The following EPHA6 variants were observed in gnomAD, a reference collection of about 807,000 sequenced individuals.
The protein encoded by EPHA6 is ephrin type-A receptor 6.
In EPHA6, 50 loss-of-function variants were observed where a neutral mutation model predicts 112.0. That is an observed-to-expected ratio of 0.45 (90% CI 0.36 to 0.56). EPHA6 has a LOEUF of 0.56. EPHA6 is among the 20% of genes least tolerant of loss of function. The pLI is 0.00. For synonymous variants in EPHA6, 529 were observed against 490.7 expected, an observed-to-expected ratio of 1.08 and a Z score of -1.03; for missense variants, 1,280 against 1,417.4, an observed-to-expected ratio of 0.90 and a Z score of 1.56.
chr3:97,502,242 C>T (rs138060448), intron 10 of EPHA6, among the ~76,000 whole-genome samples: 2 of 147,624 alleles, frequency 1.4e-5, no homozygotes, highest in Non-Finnish European at 3.0e-5. Context: ...AATCTCGGCT[C>T]ACTGCAACCT....
At chr3:97,422,175 A>G (rs1042636199) in intron 6 of EPHA6, among the ~76,000 whole-genome samples, 4 of 151,170 alleles carry the variant, frequency 2.6e-5, no homozygotes, top group Non-Finnish European at 5.9e-5. Flanking sequence ...CTCTCAAAAA[A>G]CTTTATTTAG....
At chr3:97,151,152 T>C (rs535940060) in intron 3 of EPHA6, among the ~76,000 whole-genome samples, 2 of 152,234 alleles carry the variant, frequency 1.3e-5, no homozygotes, top group South Asian at 4.1e-4. Flanking sequence ...TCTCCAAGCC[T>C]GTACTTTTAT....
At chr3:97,712,295 T>C (rs2034008736) in intron 14 of EPHA6, among the ~76,000 whole-genome samples, 1 of 152,052 alleles carries the variant, frequency 6.6e-6, no homozygotes, top group Admixed American at 6.6e-5. Flanking sequence ...TTTAAAAAAG[T>C]GAGAGAGAGA....
At chr3:96,899,853 T>C (rs2038506301) in intron 2 of EPHA6, among the ~76,000 whole-genome samples, 1 of 152,146 alleles carries the variant, frequency 6.6e-6, no homozygotes, top group Admixed American at 6.5e-5. Context: ...ACTTTTTTTT[T>C]CCAATTTCAG....
At chr3:96,972,250 C>T (rs1031292124) in intron 2 of EPHA6, among the ~76,000 whole-genome samples, 1 of 151,896 alleles carries the variant, frequency 6.6e-6, no homozygotes, top group Admixed American at 6.6e-5. Context: ...AATATTATCT[C>T]CAAGTATTTA....
chr3:97,211,330 T>C (rs2108513849), intron 3 of EPHA6, among the ~76,000 whole-genome samples: 1 of 152,338 alleles, frequency 6.6e-6, no homozygotes, highest in Admixed American at 6.5e-5. Context: ...TTTATACATA[T>C]GACATTTATT....
At chr3:97,383,494 G>A (rs894761133) in intron 5 of EPHA6, among the ~76,000 whole-genome samples, 9 of 152,040 alleles carry the variant, frequency 5.9e-5, no homozygotes, top group African/African-American at 2.2e-4. Context: ...AGTATTTTCA[G>A]TTAATCAAGT....
At position 96,899,902 on chromosome 3, in the gene EPHA6, C is replaced by G. The variant is rs2038510185; in HGVS notation, c.450+33013C>G. On this transcript the variant is annotated intron_variant, in intron 2 of 17. Transcript: ENST00000389672. ...TTCACACTTTAGATGTGACCTCTAACAGCCTTATATAGATCTTGGAAAGTT... is the reference window on the plus strand; with the variant it reads ...TTCACACTTTAGATGTGACCTCTAAGAGCCTTATATAGATCTTGGAAAGTT... 3.9e-5 allele frequency among the ~76,000 whole-genome samples: 6 copies of G among 152,164 alleles called. No individual in the cohort carries two copies. The South Asian group carries it at 1.2e-3, about 32-fold the overall frequency.
At chr3:96,865,247 G>C (rs903549422) in intron 1 of EPHA6, among the ~76,000 whole-genome samples, 1 of 152,006 alleles carries the variant, frequency 6.6e-6, no homozygotes, top group Non-Finnish European at 1.5e-5. Context: ...AGGAATTTAA[G>C]GATACTTTCA....
chr3:97,459,883 C>T (rs2090827465), intron 7 of EPHA6, among the ~76,000 whole-genome samples: 1 of 152,204 alleles, frequency 6.6e-6, no homozygotes, highest in African/African-American at 2.4e-5. Context: ...ATATGTCTCT[C>T]TGACAGTTCA....
At chr3:97,110,797 G>A (rs2047700325) in intron 3 of EPHA6, among the ~76,000 whole-genome samples, 1 of 151,978 alleles carries the variant, frequency 6.6e-6, no homozygotes, top group Admixed American at 6.6e-5. Flanking sequence ...CCAAATTGCT[G>A]GGGTTATAGG....
At chr3:97,697,124 T>C (rs1048367065) in intron 14 of EPHA6, among the ~76,000 whole-genome samples, 1 of 152,158 alleles carries the variant, frequency 6.6e-6, no homozygotes, top group African/African-American at 2.4e-5. Context: ...TTACAGCTCC[T>C]CACTGAATTT....
chr3:97,611,102 ATG>A (rs902210168), intron 13 of EPHA6, among the ~76,000 whole-genome samples: 2 of 151,370 alleles, frequency 1.3e-5, no homozygotes, highest in South Asian at 2.1e-4. Flanking sequence ...GTGTATATAT[ATG>A]TGTGTGTGTG....
chr3:97,543,748 G>C (rs200647309), intron 11 of EPHA6, among the ~76,000 whole-genome samples: 38,014 of 150,552 alleles, frequency 0.25, 7,051 homozygotes, highest in African/African-American at 0.52. Context: ...TCTTCCATTT[G>C]TTTGTCTCCT....
chr3:97,548,067 C>T (rs1288711467), intron 11 of EPHA6, among the ~76,000 whole-genome samples: 1 of 152,194 alleles, frequency 6.6e-6, no homozygotes, highest in Non-Finnish European at 1.5e-5. Flanking sequence ...GCGCTGTACC[C>T]ACTGTCCTGC....
At chr3:97,614,876 T>A (rs535756854) in intron 13 of EPHA6, among the ~76,000 whole-genome samples, 1 of 152,242 alleles carries the variant, frequency 6.6e-6, no homozygotes, top group South Asian at 2.1e-4. Context: ...CAGGATGGAC[T>A]GGTAGTTGGA....
chr3:97,606,139 T>C (rs1409993007), intron 12 of EPHA6: 1 of 151,368 alleles, frequency 6.6e-6, no homozygotes, highest in Non-Finnish European at 1.5e-5. Flanking sequence ...TTATACTAAT[T>C]GACTGTTTAA....
At chr3:97,607,877 A>C (rs950937813) in intron 12 of EPHA6, among the ~76,000 whole-genome samples, 2 of 151,282 alleles carry the variant, frequency 1.3e-5, no homozygotes, top group Admixed American at 6.6e-5. Flanking sequence ...GTACTGGAAA[A>C]GACCAAAAAA....
chr3:97,197,091 A>C (rs1287595411), intron 3 of EPHA6, among the ~76,000 whole-genome samples: 1 of 152,102 alleles, frequency 6.6e-6, no homozygotes, highest in Non-Finnish European at 1.5e-5. Context: ...TGAGCCCAGC[A>C]GATCCAGAAA....
Sources: allele counts gnomAD v4.1 joint callset (sites outside exome capture counted in the v4.1 genomes callset), GRCh38; gene constraint gnomAD v4.1.1; transcripts MANE v1.5; gene names NCBI Gene and HGNC (gene_info 2026-07-23, HGNC 2026-07-21).